The following PCNX2 variants were observed in gnomAD, a reference collection of about 807,000 sequenced individuals.
PCNX2 encodes the protein pecanex-like protein 2.
PCNX2 carries 168 observed loss-of-function variants against 223.8 expected under a neutral mutation model. The observed-to-expected ratio is 0.75, with a 90% CI of 0.66 to 0.85. The LOEUF is 0.85. PCNX2 is among the 40% of genes least tolerant of loss of function. The pLI is 0.00. For synonymous variants in PCNX2, 1,006 were observed against 1,052.6 expected, an observed-to-expected ratio of 0.96 and a Z score of 0.86; for missense variants, 2,507 against 2,675.5, an observed-to-expected ratio of 0.94 and a Z score of 1.39.
Position 233,032,087 on chromosome 1 carries a change from T to TTTTC in PCNX2, c.4352-6692_4352-6689dup, listed in dbSNP as rs149859778. 1,163 of 912,542 alleles carry TTTTC rather than the reference T, an allele frequency of 1.3e-3. 1 individual carries two copies. Among genetic ancestry groups the TTTTC allele is most frequent in the East Asian group, 1.5e-3 (12 of 8,248 alleles). The allele number at this position is 912,542 out of a possible 1,614,324, so 56.5% of individuals were successfully genotyped here. A position where few individuals can be genotyped will look rare whatever the true frequency, so the allele number is the denominator to read the frequency against. ...TCTTCCAATGGAGGAAATAAGACAG[T>TTTTC]TTTCTTTCTTTCTTTCTTTCTTTCT... is the stretch of plus-strand genomic sequence containing the variant. On this transcript the variant is annotated intron_variant, in intron 25 of 33. Coordinates refer to ENST00000258229, the MANE Select transcript of PCNX2 (RefSeq NM_014801.4).
intron 23 of PCNX2, among the ~76,000 whole-genome samples, chr1:233,060,964 T>C (rs989151475): frequency 6.6e-6 from 1 of 152,202 alleles, no homozygotes; most frequent in African/African-American, 2.4e-5. Context: ...TTCCACCCCA[T>C]GGCCAGTCTC....
At chr1:233,094,416 G>A (rs1674042833) in intron 22 of PCNX2, among the ~76,000 whole-genome samples, 1 of 152,184 alleles carries the variant, frequency 6.6e-6, no homozygotes, top group East Asian at 1.9e-4. Context: ...TGGTGCACAA[G>A]CTCAGGCTTT....
chr1:233,309,025 A>G, the PCNX2 span, among the ~76,000 whole-genome samples: 1 of 152,026 alleles, frequency 6.6e-6, no homozygotes, highest in African/African-American at 2.4e-5. Flanking sequence ...TCTCAGAAAA[A>G]TTGAAAGTAA....
intron 32 of PCNX2, among the ~76,000 whole-genome samples, chr1:232,997,993 C>T (rs544064451): frequency 1.2e-4 from 18 of 152,218 alleles, no homozygotes; most frequent in South Asian, 8.3e-4. Context: ...TGGAATGCAG[C>T]GACCCCTGGA....
intron 17 of PCNX2, chr1:233,172,329 A>G: frequency 3.1e-6 from 3 of 981,120 alleles, no homozygotes; most frequent in African/African-American, 1.7e-5. Flanking sequence ...TGTTTCTGCC[A>G]TGAGGCGTTT....
At chr1:233,232,819 C>G (rs1658149668) in intron 9 of PCNX2, 1 of 985,336 alleles carries the variant, frequency 1.0e-6, no homozygotes, top group East Asian at 1.1e-4. Flanking sequence ...CTCACCAATT[C>G]TCATCAGTTT....
At chr1:233,101,428 T>A (rs1228359103) in intron 21 of PCNX2, among the ~76,000 whole-genome samples, 1 of 152,102 alleles carries the variant, frequency 6.6e-6, no homozygotes, top group Non-Finnish European at 1.5e-5. Flanking sequence ...GTAAAAAACA[T>A]CTTCAGACAA....
At chr1:233,199,733 G>A (rs1478309701) in intron 14 of PCNX2, among the ~76,000 whole-genome samples, 1 of 151,974 alleles carries the variant, frequency 6.6e-6, no homozygotes, top group African/African-American at 2.4e-5. Context: ...ACACAGCACA[G>A]TGTCAACCCA....
intron 25 of PCNX2, among the ~76,000 whole-genome samples, chr1:233,034,443 A>G (rs1248919357): frequency 6.6e-6 from 1 of 152,242 alleles, no homozygotes; most frequent in Non-Finnish European, 1.5e-5. Flanking sequence ...CCCAGCCTCC[A>G]GAACTGTGAG....
intron 21 of PCNX2, among the ~76,000 whole-genome samples, chr1:233,108,581 G>A (rs1285928926): frequency 1.3e-5 from 2 of 152,216 alleles, no homozygotes; most frequent in Non-Finnish European, 2.9e-5. Flanking sequence ...AGACCTGAAG[G>A]GAGAAAAGGC....
intron 32 of PCNX2, among the ~76,000 whole-genome samples, chr1:232,987,427 G>A (rs1463733518): frequency 5.3e-5 from 8 of 152,226 alleles, no homozygotes; most frequent in Non-Finnish European, 1.2e-4. Flanking sequence ...GAGCATCCAT[G>A]ATCACTAGGG....
intron 26 of PCNX2, among the ~76,000 whole-genome samples, chr1:233,017,580 T>C (rs1670728839): frequency 1.3e-5 from 2 of 151,996 alleles, no homozygotes; most frequent in Admixed American, 6.6e-5. Context: ...CCTCCCAAAG[T>C]GCTGGGATTA....
chr1:233,172,239 T>A (rs989720971), intron 17 of PCNX2: 1 of 493,088 alleles, frequency 2.0e-6, no homozygotes, highest in Non-Finnish European at 2.6e-6. Context: ...AATTTTTTTA[T>A]AGTAAGCTGT....
At chr1:233,024,232 A>G (rs964519071) in intron 26 of PCNX2, among the ~76,000 whole-genome samples, 1 of 152,158 alleles carries the variant, frequency 6.6e-6, no homozygotes, top group Non-Finnish European at 1.5e-5. Context: ...AAATTTCTCA[A>G]TGCCATTTGT....
chr1:233,106,032 G>T (rs1053534526), intron 21 of PCNX2, among the ~76,000 whole-genome samples: 7 of 152,148 alleles, frequency 4.6e-5, no homozygotes, highest in Admixed American at 4.6e-4. Flanking sequence ...GGCCATTGAG[G>T]AAGGAAGCAA....
intron 21 of PCNX2, among the ~76,000 whole-genome samples, chr1:233,099,800 T>A (rs2102955670): frequency 6.6e-6 from 1 of 152,276 alleles, no homozygotes; most frequent in Admixed American, 6.5e-5. Context: ...TATAAAATAA[T>A]GAAACATTTA....
rs570378052 is a variant in PCNX2 at position 232,991,457 on chromosome 1, G to T, written c.5792-4917C>A. 1.3e-5 allele frequency among the ~76,000 whole-genome samples: 2 copies of T among 152,204 alleles called. No homozygotes were observed. Among genetic ancestry groups the T allele is most frequent in the East Asian group, 1.9e-4 (1 of 5,170 alleles). ...GGGGAGGGGTGCTCATGGGATGCGC[G>T]TGGGTGTTCCGGGCTGAATCATGTT... On this transcript the variant is annotated intron_variant, in intron 32 of 33. Coordinates refer to ENST00000258229, the MANE Select transcript of PCNX2 (RefSeq NM_014801.4). This position sits in a 1 kb window ranked among gnomAD's most constrained non-coding sequence, Gnocchi z 4.3.
the PCNX2 span, among the ~76,000 whole-genome samples, chr1:233,323,309 A>G: frequency 2.6e-5 from 4 of 152,226 alleles, no homozygotes; most frequent in African/African-American, 7.2e-5. Context: ...CTATCATACT[A>G]AAGTCCCCCA....
At chr1:233,296,857 G>A (rs1007134131), upstream of PCNX2, among the ~76,000 whole-genome samples, 1 of 152,188 alleles carries the variant, frequency 6.6e-6, no homozygotes, top group African/African-American at 2.4e-5. Flanking sequence ...AGGCTGAAAC[G>A]AAGATAAGGA....
Sources: gnomAD v4.1 joint callset for allele counts (sites outside exome capture counted in the v4.1 genomes callset) on GRCh38, gnomAD v4.1.1 for gene constraint, Gnocchi (gnomAD v3.1) non-coding constraint, MANE v1.5 for transcripts, NCBI Gene and HGNC (gene_info 2026-07-23, HGNC 2026-07-21) for gene names.